MTUS1: variants seen among roughly 807,000 people sequenced by gnomAD.
The protein encoded by MTUS1 is microtubule associated scaffold protein 1, also known as microtubule-associated tumor suppressor 1.
Under a neutral mutation model 120.8 loss-of-function variants are expected in MTUS1, and 109 were observed. The ratio of observed to expected loss-of-function variants is 0.90; its 90% CI spans 0.77 to 1.06. The LOEUF (loss-of-function observed/expected upper bound fraction) is 1.06. MTUS1 is among the 50% of genes least tolerant of loss of function. The probability of loss-of-function intolerance (pLI) is 0.00; values close to 1 mark genes in which losing one functional copy is unlikely to be tolerated. For missense variants in MTUS1, 2,210 were observed against 1,486.3 expected, an observed-to-expected ratio of 1.49 and a Z score of -8.01; for synonymous variants, 737 against 550.5, an observed-to-expected ratio of 1.34 and a Z score of -4.74.
chr8:17,647,930 AC>A (rs993554373), intron 13 of MTUS1, among the ~76,000 whole-genome samples: 1 of 152,150 alleles, frequency 6.6e-6, no homozygotes, highest in Non-Finnish European at 1.5e-5. Flanking sequence ...TTAGTTTGGA[AC>A]CTGATTGTTC....
rs538944753 is a variant in MTUS1 at position 17,755,203 on chromosome 8, G to A, written c.605C>T (p.Ser202Phe). ...PTGRRSGSTSSLSYSTWTSSH... is the reference protein window; with the variant it reads ...PTGRRSGSTSFLSYSTWTSSH... ...AGATGTCCAAGTGGAATAGGATAAA[G>A]AAGATGTACTTCCACTTCTCCTACC... The change falls in exon 2 of 15, where the codon TCT becomes TTT. Residue 202 changes from serine (S) to phenylalanine (F), a missense_variant. Coordinates refer to ENST00000693296, the MANE Select transcript of MTUS1 (RefSeq NM_001363059.2). 7 of 1,614,192 alleles carry A rather than the reference G, an allele frequency of 4.3e-6. No individual in the cohort carries two copies. The South Asian group carries it at 7.7e-5, about 18-fold the overall frequency.
intron 1 of MTUS1, among the ~76,000 whole-genome samples, chr8:17,773,705 C>A (rs2131467012): frequency 6.6e-6 from 1 of 152,328 alleles, no homozygotes; most frequent in East Asian, 1.9e-4. Flanking sequence ...TTATCTAAAT[C>A]TAATTACCTC....
chr8:17,715,662 C>T, intron 5 of MTUS1, 105 bp downstream of exon 5: 5 of 1,140,618 alleles, frequency 4.4e-6, no homozygotes, highest in Non-Finnish European at 6.2e-6. Context: ...TATTTGTAAT[C>T]ATTGTTGACT....
At chr8:17,710,963 G>A (rs1172362665) in intron 6 of MTUS1, among the ~76,000 whole-genome samples, 4 of 152,120 alleles carry the variant, frequency 2.6e-5, no homozygotes, top group Non-Finnish European at 4.4e-5. Flanking sequence ...CTGTCAGTCG[G>A]CAGTAGTATT....
chr8:17,755,421 G>A lies in MTUS1; in HGVS notation c.387C>T (p.Gly129=). Residue 129 remains glycine (G), a synonymous_variant, in exon 2 of 15, where the codon GGC becomes GGT. Coordinates refer to ENST00000693296, the MANE Select transcript of MTUS1 (RefSeq NM_001363059.2). ...HSCHSLEAVE[G]QSVEPSLPFV... ...AAGGCAAAGATGGCTCAACACTCTG[G>A]CCCTCAACTGCTTCTAGGGAATGAC... 6.2e-7 allele frequency: 1 copy of A among 1,614,212 alleles called. No homozygotes were observed. The highest frequency in any genetic ancestry group is 1.1e-5 in the South Asian group (1 of 91,084).
intron 6 of MTUS1, among the ~76,000 whole-genome samples, chr8:17,685,506 C>CTAAAGACTAATTCCTT (rs1815593019): frequency 6.6e-6 from 1 of 151,498 alleles, no homozygotes; most frequent in Non-Finnish European, 1.5e-5. Flanking sequence ...CTTATTCTAA[C>CTAAAGACTAATTCCTT]AGTCTTTCAT....
chr8:17,674,982 T>A, intron 8 of MTUS1: 1 of 1,385,440 alleles, frequency 7.2e-7, no homozygotes, highest in Non-Finnish European at 9.3e-7. Context: ...CTTAGTCAGA[T>A]CAGTGCCAGG....
At chr8:17,650,861 G>A (rs1289267804) in intron 12 of MTUS1, among the ~76,000 whole-genome samples, 3 of 152,180 alleles carry the variant, frequency 2.0e-5, no homozygotes, top group Non-Finnish European at 2.9e-5. Context: ...CAGAAGAACA[G>A]CATATGGTCC....
intron 8 of MTUS1, among the ~76,000 whole-genome samples, chr8:17,674,015 C>G (rs1812552124): frequency 6.6e-6 from 1 of 152,128 alleles, no homozygotes; most frequent in Admixed American, 6.5e-5. Context: ...AGGAAATAAG[C>G]CCTAGAATGG....
intron 9 of MTUS1, 151 bp downstream of exon 9, chr8:17,655,712 C>A (rs945727596): frequency 1.4e-6 from 1 of 692,058 alleles, no homozygotes; most frequent in Non-Finnish European, 2.4e-6. Flanking sequence ...GCCTGGGAGA[C>A]AGAGTGGGAC....
chr8:17,683,582 G>A (rs530308956), intron 7 of MTUS1, among the ~76,000 whole-genome samples: 1 of 152,224 alleles, frequency 6.6e-6, no homozygotes, highest in East Asian at 1.9e-4. Flanking sequence ...ATGAGCCACA[G>A]TACTGAGCCA....
intron 7 of MTUS1, among the ~76,000 whole-genome samples, chr8:17,680,438 T>C (rs905345741): frequency 8.9e-6 from 1 of 112,146 alleles, no homozygotes; most frequent in African/African-American, 3.5e-5. Context: ...CACTCCAGAC[T>C]GGGTGACAGA....
At chr8:17,777,962 A>T (rs561442038) in intron 1 of MTUS1, among the ~76,000 whole-genome samples, 1 of 152,356 alleles carries the variant, frequency 6.6e-6, no homozygotes, top group South Asian at 2.1e-4. Context: ...TTTGTGTTTT[A>T]TGATTCCTGC....
At chr8:17,766,927 T>C (rs995211198) in intron 1 of MTUS1, among the ~76,000 whole-genome samples, 1 of 152,084 alleles carries the variant, frequency 6.6e-6, no homozygotes. Flanking sequence ...GATGTTAAAA[T>C]TTTATTTTCT....
chr8:17,678,292 C>G (rs1374285265), intron 7 of MTUS1, among the ~76,000 whole-genome samples: 2 of 152,164 alleles, frequency 1.3e-5, no homozygotes, highest in South Asian at 4.1e-4. Flanking sequence ...AGATGATAAA[C>G]TCTTAACCGT....
At chr8:17,726,995 T>C (rs1012379207) in intron 3 of MTUS1, among the ~76,000 whole-genome samples, 5 of 152,142 alleles carry the variant, frequency 3.3e-5, no homozygotes, top group Non-Finnish European at 7.4e-5. Flanking sequence ...TGGGAATTAC[T>C]ACAGAAGACC....
At chr8:17,694,601 G>C (rs1253474367) in intron 6 of MTUS1, among the ~76,000 whole-genome samples, 1 of 152,036 alleles carries the variant, frequency 6.6e-6, no homozygotes, top group African/African-American at 2.4e-5. Flanking sequence ...CTGGGAGGCG[G>C]AGGTTGCAGT....
chr8:17,683,754 T>C (rs1223500409), intron 7 of MTUS1, among the ~76,000 whole-genome samples: 3 of 152,238 alleles, frequency 2.0e-5, no homozygotes, highest in African/African-American at 7.2e-5. Context: ...CTTGGTTTTC[T>C]CAATGAATTT....
chr8:17,675,383 T>G, intron 7 of MTUS1, 131 bp from the exon 8 acceptor site: 1 of 671,312 alleles, frequency 1.5e-6, no homozygotes, highest in Non-Finnish European at 2.5e-6. Context: ...AGGCTAACAA[T>G]TTGTGTTGTT....
Sources: allele counts gnomAD v4.1 joint callset (sites outside exome capture counted in the v4.1 genomes callset), GRCh38; gene constraint gnomAD v4.1.1; transcripts MANE v1.5; gene names NCBI Gene and HGNC (gene_info 2026-07-23, HGNC 2026-07-21).